The following NKAIN2 variants were observed in gnomAD, a reference collection of about 807,000 sequenced individuals.
The protein encoded by NKAIN2 is sodium/potassium transporting ATPase interacting 2.
NKAIN2 carries 14 observed loss-of-function variants against 32.6 expected under a neutral mutation model. The ratio of observed to expected loss-of-function variants is 0.43; its 90% CI spans 0.28 to 0.67. NKAIN2 has a LOEUF of 0.67. NKAIN2 is among the 30% of genes least tolerant of loss of function. NKAIN2 has a pLI of 0.17. For missense variants in NKAIN2, 198 were observed against 258.3 expected (o/e 0.77, Z 1.60); for synonymous variants, 80 against 87.2 (o/e 0.92, Z 0.46).
At chr6:123,840,821 A>AT (rs1562212244) in intron 1 of NKAIN2, among the ~76,000 whole-genome samples, 1 of 152,090 alleles carries the variant, frequency 6.6e-6, no homozygotes, top group Non-Finnish European at 1.5e-5. Flanking sequence ...ATTACACTTG[A>AT]TATTTTTATA....
At chr6:123,874,466 A>G (rs1562233106) in intron 1 of NKAIN2, among the ~76,000 whole-genome samples, 1 of 152,152 alleles carries the variant, frequency 6.6e-6, no homozygotes, top group Non-Finnish European at 1.5e-5. Context: ...GTAGGGGGAA[A>G]TGGATATTGC....
chr6:123,940,928 T>C (rs1776787278), intron 1 of NKAIN2, among the ~76,000 whole-genome samples: 1 of 152,042 alleles, frequency 6.6e-6, no homozygotes, highest in Non-Finnish European at 1.5e-5. Flanking sequence ...TTTTAAACTT[T>C]TGATTCTTTT....
At chr6:124,667,495 T>A (rs1772862627) in intron 4 of NKAIN2, among the ~76,000 whole-genome samples, 1 of 152,084 alleles carries the variant, frequency 6.6e-6, no homozygotes, top group African/African-American at 2.4e-5. Flanking sequence ...ACAGTATTTT[T>A]TGAAAGACAT....
chr6:124,640,930 G>C (rs1207959572), intron 3 of NKAIN2, among the ~76,000 whole-genome samples: 1 of 149,500 alleles, frequency 6.7e-6, no homozygotes, highest in Non-Finnish European at 1.5e-5. Context: ...TTACCTTTCA[G>C]TGAATTACAA....
rs989510693 is a variant in NKAIN2 at position 124,163,635 on chromosome 6, C to T, written c.55-119370C>T. ...CGCATTCTTACTTAATCGCATAGAG[C>T]TGTGTTCTATAATTGGAGTATTTTA... is the stretch of plus-strand genomic sequence containing the variant. On this transcript the variant is annotated intron_variant, in intron 1 of 6. Coordinates refer to ENST00000368417, the MANE Select transcript of NKAIN2 (RefSeq NM_001040214.3). 5.2e-4 allele frequency among the ~76,000 whole-genome samples: 79 copies of T among 152,006 alleles called. 1 individual carries two copies. The highest frequency in any genetic ancestry group is 5.1e-3 in the Admixed American group (77 of 15,230).
chr6:124,020,873 G>T (rs1350708030), intron 1 of NKAIN2, among the ~76,000 whole-genome samples: 1 of 152,028 alleles, frequency 6.6e-6, no homozygotes, highest in Non-Finnish European at 1.5e-5. Flanking sequence ...ATAAACAGAT[G>T]ATCAAGATAT....
intron 4 of NKAIN2, among the ~76,000 whole-genome samples, chr6:124,704,569 A>T (rs977952250): frequency 6.6e-6 from 1 of 151,776 alleles, no homozygotes; most frequent in Admixed American, 6.6e-5. Flanking sequence ...AAAAACCATA[A>T]CCCTACTGGG....
intron 1 of NKAIN2, among the ~76,000 whole-genome samples, chr6:124,048,884 A>G (rs78786184): frequency 0.021 from 3,168 of 152,124 alleles, 119 homozygotes; most frequent in African/African-American, 0.072. Flanking sequence ...TTGGGTCTCT[A>G]TTGATCATTA....
At chr6:123,910,520 T>TG (rs1775123812) in intron 1 of NKAIN2, among the ~76,000 whole-genome samples, 1 of 145,082 alleles carries the variant, frequency 6.9e-6, no homozygotes, top group Admixed American at 6.9e-5. Context: ...TTTTTTTTTT[T>TG]TTGAGATGGG....
At chr6:124,186,129 AAAAAG>A (rs1299412796) in intron 1 of NKAIN2, among the ~76,000 whole-genome samples, 3 of 149,834 alleles carry the variant, frequency 2.0e-5, no homozygotes, top group Non-Finnish European at 4.4e-5. Context: ...AAAAAATAAA[AAAAAG>A]AAAAGAAAGG....
chr6:124,066,720 A>T (rs966044506), intron 1 of NKAIN2, among the ~76,000 whole-genome samples: 1 of 152,176 alleles, frequency 6.6e-6, no homozygotes, highest in African/African-American at 2.4e-5. Flanking sequence ...AAAGCTTGTT[A>T]TTTAGAATAG....
At chr6:124,002,785 A>G (rs1027154569) in intron 1 of NKAIN2, among the ~76,000 whole-genome samples, 1 of 152,230 alleles carries the variant, frequency 6.6e-6, no homozygotes, top group Non-Finnish European at 1.5e-5. Flanking sequence ...CAACCCTTGC[A>G]GTATTATACT....
intron 1 of NKAIN2, among the ~76,000 whole-genome samples, chr6:123,807,040 C>A (rs1198936172): frequency 6.6e-6 from 1 of 151,952 alleles, no homozygotes; most frequent in African/African-American, 2.4e-5. Flanking sequence ...AATTGAGGGA[C>A]AGAGGCAGAT....
chr6:124,185,869 CAT>C (rs35349448), intron 1 of NKAIN2, among the ~76,000 whole-genome samples: 87,560 of 151,206 alleles, frequency 0.58, 27,719 homozygotes, highest in Non-Finnish European at 0.72. Context: ...TTAGGGGAAA[CAT>C]GTGGAAATGG....
chr6:124,521,136 T>A (rs1230580871), intron 3 of NKAIN2, among the ~76,000 whole-genome samples: 3 of 152,254 alleles, frequency 2.0e-5, no homozygotes, highest in Non-Finnish European at 2.9e-5. Flanking sequence ...TGTTGTTGCC[T>A]CATTGCACTG....
chr6:124,399,284 T>C lies in NKAIN2; in HGVS notation c.273+43937T>C, dbSNP rs534269572. On this transcript the variant is annotated intron_variant, in intron 3 of 6. Transcript: ENST00000368417. ...TTACTTATTTTCAAGTTTATGATAC[T>C]CATGAGGCTTAGCAGATCTCTACTT... Among the ~76,000 whole-genome samples the C allele has an allele frequency of 2.0e-5, 3 of 152,306 alleles. No homozygotes were observed. The East Asian group carries it at 5.8e-4, about 29-fold the overall frequency.
intron 2 of NKAIN2, among the ~76,000 whole-genome samples, chr6:124,350,751 A>T (rs895538886): frequency 1.2e-4 from 19 of 152,386 alleles, no homozygotes; most frequent in African/African-American, 4.3e-4. Context: ...TTATGTACAT[A>T]TCCTTCTGAA....
intron 1 of NKAIN2, among the ~76,000 whole-genome samples, chr6:124,059,985 A>C (rs192201851): frequency 2.2e-3 from 334 of 152,256 alleles, no homozygotes; most frequent in African/African-American, 7.8e-3. Flanking sequence ...CATTGTTTTC[A>C]ATTTTTTTGT....
chr6:124,201,994 A>C (rs1334623884), intron 1 of NKAIN2, among the ~76,000 whole-genome samples: 1 of 152,104 alleles, frequency 6.6e-6, no homozygotes, highest in East Asian at 1.9e-4. Context: ...TATTATCAAC[A>C]AACGTGGTTA....
Sources: allele counts gnomAD v4.1 joint callset (sites outside exome capture counted in the v4.1 genomes callset), GRCh38; gene constraint gnomAD v4.1.1; transcripts MANE v1.5; gene names NCBI Gene and HGNC (gene_info 2026-07-23, HGNC 2026-07-21).